Variants in ITGB3 observed in about 807,000 individuals in gnomAD.
ITGB3 encodes the protein integrin subunit beta 3, also known as integrin beta-3.
In ITGB3, 48 loss-of-function variants were observed where a neutral mutation model predicts 85.8. The ratio of observed to expected loss-of-function variants is 0.56; its 90% CI spans 0.44 to 0.71. The LOEUF (loss-of-function observed/expected upper bound fraction) is 0.71, where lower values mean the gene tolerates loss of function less well. ITGB3 is among the 30% of genes least tolerant of loss of function. The probability of loss-of-function intolerance (pLI) is 0.00; values close to 1 mark genes in which losing one functional copy is unlikely to be tolerated. For synonymous variants in ITGB3, 363 were observed against 395.6 expected, an observed-to-expected ratio of 0.92 and a Z score of 0.98; for missense variants, 861 against 1,019.1, an observed-to-expected ratio of 0.84 and a Z score of 2.11.
chr17:47,295,703 G>A (rs993730828), intron 10 of ITGB3, among the ~76,000 whole-genome samples: 4 of 150,154 alleles, frequency 2.7e-5, no homozygotes, highest in Non-Finnish European at 5.9e-5. Flanking sequence ...AGTGCTGCCA[G>A]GCCCCTGTGG....
At chr17:47,260,163 G>A (rs139415623) in intron 1 of ITGB3, among the ~76,000 whole-genome samples, 211 of 152,166 alleles carry the variant, frequency 1.4e-3, no homozygotes, top group Admixed American at 4.5e-3. Flanking sequence ...AAAGAACAAC[G>A]TATCTGGAAT....
At chr17:47,295,646 A>G (rs909814522) in intron 10 of ITGB3, among the ~76,000 whole-genome samples, 1 of 152,092 alleles carries the variant, frequency 6.6e-6, no homozygotes, top group South Asian at 2.1e-4. Flanking sequence ...TAGCCTCACA[A>G]AGGAAACACT....
At chr17:47,257,904 C>T (rs2064995940) in intron 1 of ITGB3, among the ~76,000 whole-genome samples, 1 of 152,132 alleles carries the variant, frequency 6.6e-6, no homozygotes, top group Admixed American at 6.5e-5. Flanking sequence ...ATGGGGCAAG[C>T]ACACCACAGT....
At chr17:47,268,765 G>T (rs1443270116) in intron 1 of ITGB3, among the ~76,000 whole-genome samples, 1 of 152,178 alleles carries the variant, frequency 6.6e-6, no homozygotes, top group Admixed American at 6.5e-5. Context: ...ACCATTCTGG[G>T]GTCTGGAGGA....
intron 1 of ITGB3, among the ~76,000 whole-genome samples, chr17:47,271,469 A>C (rs2065043921): frequency 6.6e-6 from 1 of 152,262 alleles, no homozygotes; most frequent in Non-Finnish European, 1.5e-5. Context: ...TTTATGGTTG[A>C]TCAGTCAAAG....
At position 47,307,517 on chromosome 17, in the gene ITGB3, G is replaced by A; in HGVS notation, c.2181G>A (p.Met727Ile). The A allele has an allele frequency of 6.2e-7, 1 of 1,614,090 alleles. No individual in the cohort carries two copies. Among genetic ancestry groups the A allele is most frequent in the Non-Finnish European group, 8.5e-7 (1 of 1,180,002 alleles). ...PDILVVLLSV[M>I]GAILLIGLAA... ...TCCTGGTGGTCCTGCTCTCAGTGAT[G>A]GGGGCCATTCTGCTCATTGGCCTTG... is the stretch of plus-strand genomic sequence containing the variant. Residue 727 changes from methionine (M) to isoleucine (I), a missense_variant, in exon 14 of 15, where the codon ATG becomes ATA. By Grantham distance (10) the Met-to-Ile change is conservative (BLOSUM62 1). Coordinates refer to ENST00000559488, the MANE Select transcript of ITGB3 (RefSeq NM_000212.3).
At chr17:47,261,519 C>CTTTTTT (rs71365061) in intron 1 of ITGB3, among the ~76,000 whole-genome samples, 7 of 128,042 alleles carry the variant, frequency 5.5e-5, no homozygotes, top group African/African-American at 1.2e-4. Flanking sequence ...GGATCATTGT[C>CTTTTTT]TTTTTTTTTT....
intron 1 of ITGB3, among the ~76,000 whole-genome samples, chr17:47,263,129 C>T (rs545370873): frequency 2.6e-5 from 4 of 151,744 alleles, no homozygotes; most frequent in African/African-American, 4.9e-5. Flanking sequence ...TGGCTTTAGA[C>T]GTGAGGTTTC....
intron 1 of ITGB3, 77 bp downstream of exon 1, chr17:47,254,017 G>C: frequency 4.1e-6 from 4 of 974,572 alleles, no homozygotes; most frequent in Non-Finnish European, 5.6e-6. Context: ...ACTTGGAGCC[G>C]GCAAACGCGG....
intron 9 of ITGB3, among the ~76,000 whole-genome samples, chr17:47,291,751 G>A (rs2065126591): frequency 6.6e-6 from 1 of 152,168 alleles, no homozygotes. Context: ...CCACCATGTG[G>A]GATTGTGTGG....
In ITGB3 at chr17:47,284,557, A is replaced by G; in HGVS notation, c.476A>G (p.Asn159Ser). The G allele has an allele frequency of 6.2e-7, 1 of 1,613,946 alleles. No homozygotes were observed. The highest frequency in any genetic ancestry group is 1.1e-5 in the South Asian group (1 of 91,026). Reference protein sequence around the residue: ...SMKDDLWSIQNLGTKLATQMR... With the variant: ...SMKDDLWSIQSLGTKLATQMR... ...AAGGATGATCTGTGGAGCATCCAGA[A>G]CCTGGGTACCAAGCTGGCCACCCAG... Residue 159 changes from asparagine to serine, a missense_variant, in exon 4 of 15, where the codon AAC becomes AGC. By Grantham distance (46) the Asn-to-Ser change is conservative. Transcript: ENST00000559488.
intron 1 of ITGB3, chr17:47,259,332 C>CTTTTTTTT (rs1225836632): frequency 2.7e-4 from 1 of 3,770 alleles, no homozygotes; most frequent in Non-Finnish European, 6.0e-4. Context: ...TTTTTTTTTC[C>CTTTTTTTT]TTTTTTTTGG....
chr17:47,262,590 A>G (rs2065012289), intron 1 of ITGB3, among the ~76,000 whole-genome samples: 1 of 152,108 alleles, frequency 6.6e-6, no homozygotes, highest in Non-Finnish European at 1.5e-5. Flanking sequence ...ATCAAATTTG[A>G]CACCTGTTTG....
chr17:47,307,524 A>G lies in ITGB3; in HGVS notation c.2188A>G (p.Ile730Val). ...GGTCCTGCTCTCAGTGATGGGGGCC[A>G]TTCTGCTCATTGGCCTTGCCGCCCT... ...LVVLLSVMGA[I>V]LLIGLAALLI... Residue 730 changes from isoleucine (I) to valine (V), a missense_variant, in exon 14 of 15, where the codon ATT (isoleucine) becomes GTT (valine). Physicochemically the swap from Ile to Val is conservative, Grantham distance 29. Transcript: ENST00000559488. 6.2e-7 allele frequency: 1 copy of G among 1,614,178 alleles called. No homozygotes were observed. Among genetic ancestry groups the G allele is most frequent in the Non-Finnish European group, 8.5e-7 (1 of 1,180,040 alleles).
Position 47,292,513 on chromosome 17 carries a change from G to A in ITGB3, c.1635G>A (p.Lys545=). The A allele has an allele frequency of 3.1e-6, 5 of 1,606,772 alleles. No individual in the cohort carries two copies. Among genetic ancestry groups the A allele is most frequent in the Non-Finnish European group, 4.2e-6 (5 of 1,179,820 alleles). ...GTGACTTTGGCAAGATCACGGGCAA[G>A]TACTGCGAGTGTGACGACTTCTCCT... ...HSSDFGKITG[K]YCECDDFSCV... Residue 545 remains lysine, a synonymous_variant, in exon 10 of 15, where the codon AAG becomes AAA. Coordinates refer to ENST00000559488, the MANE Select transcript of ITGB3 (RefSeq NM_000212.3).
Position 47,253,874 on chromosome 17 carries a change from C to G in ITGB3, c.13C>G (p.Pro5Ala). Residue 5 changes from proline to alanine, a missense_variant, in exon 1 of 15, where the codon CCG becomes GCG. Pro to Ala is a conservative substitution (Grantham distance 27). Transcript: ENST00000559488. Reference sequence around the variant, plus strand: ...GGAGGCGGACGAGATGCGAGCGCGGCCGCGGCCCCGGCCGCTCTGGGCGAC... The same window carrying G: ...GGAGGCGGACGAGATGCGAGCGCGGGCGCGGCCCCGGCCGCTCTGGGCGAC... The part of the protein sequence containing the change: MRAR[P>A]RPRPLWATVL... 8.0e-7 allele frequency: 1 copy of G among 1,249,454 alleles called. No homozygotes were observed. Among genetic ancestry groups the G allele is most frequent in the Non-Finnish European group, 1.0e-6 (1 of 997,608 alleles). 77.4% of individuals were successfully genotyped at this position (1,249,454 alleles called of 1,614,324 possible). A position where few individuals can be genotyped will look rare whatever the true frequency, so the allele number is the denominator to read the frequency against.
At chr17:47,269,372 A>G (rs1468851803) in intron 1 of ITGB3, among the ~76,000 whole-genome samples, 1 of 152,166 alleles carries the variant, frequency 6.6e-6, no homozygotes, top group African/African-American at 2.4e-5. Context: ...CCACACGTTT[A>G]TGCTCTGCTT....
At position 47,284,561 on chromosome 17, in the gene ITGB3, GGGTACCAAGC is replaced by G; in HGVS notation, c.481_490del (p.Gly161TrpfsTer43). 6.2e-7 allele frequency: 1 copy of G among 1,614,128 alleles called. No individual in the cohort carries two copies. The highest frequency in any genetic ancestry group is 8.5e-7 in the Non-Finnish European group (1 of 1,180,020). Reference sequence around the variant, plus strand: ...ATGATCTGTGGAGCATCCAGAACCTGGGTACCAAGCTGGCCACCCAGATGCGAAAGCTCAC... The same window carrying G: ...ATGATCTGTGGAGCATCCAGAACCTGTGGCCACCCAGATGCGAAAGCTCAC... On this transcript the variant is annotated frameshift_variant, in exon 4 of 15. Transcript: ENST00000559488. LOFTEE classifies it high-confidence loss of function.
chr17:47,267,698 G>A (rs2065030354), intron 1 of ITGB3, among the ~76,000 whole-genome samples: 2 of 152,162 alleles, frequency 1.3e-5, no homozygotes. Context: ...TGGGGTCAGG[G>A]ACCATTAGTT....
Sources: gnomAD v4.1 joint callset for allele counts (sites outside exome capture counted in the v4.1 genomes callset) on GRCh38, gnomAD v4.1.1 for gene constraint, MANE v1.5 for transcripts, NCBI Gene and HGNC (gene_info 2026-07-23, HGNC 2026-07-21) for gene names.